Variants in CAMKMT observed in about 807,000 individuals in gnomAD.
CAMKMT encodes CaM KMT.
CAMKMT carries 53 observed loss-of-function variants against 48.0 expected under a neutral mutation model. The ratio of observed to expected loss-of-function variants is 1.10; its 90% CI spans 0.89 to 1.39. CAMKMT has a LOEUF of 1.39. Among genes scored for constraint, CAMKMT ranks in the 40% most tolerant of loss-of-function variants. The pLI is 0.00. For missense variants in CAMKMT, 428 were observed against 402.7 expected (o/e 1.06, Z -0.54); for synonymous variants, 165 against 152.3 (o/e 1.08, Z -0.61).
At chr2:44,620,956 A>T (rs1193675371) in intron 3 of CAMKMT, among the ~76,000 whole-genome samples, 1 of 152,218 alleles carries the variant, frequency 6.6e-6, no homozygotes, top group Non-Finnish European at 1.5e-5. Context: ...GTGACAATAC[A>T]TGTAAAATTC....
intron 3 of CAMKMT, among the ~76,000 whole-genome samples, chr2:44,572,326 C>T (rs1402360206): frequency 1.3e-5 from 2 of 152,270 alleles, no homozygotes; most frequent in East Asian, 1.9e-4. Flanking sequence ...GGATTACAGG[C>T]GTGAGCTGCC....
rs115724440 is a variant in CAMKMT, at chr2:44,732,645, A to G, written c.624-10977A>G. 4.2e-3 allele frequency among the ~76,000 whole-genome samples: 645 copies of G among 152,326 alleles called. 4 individuals are homozygous for G. Among genetic ancestry groups the G allele is most frequent in the African/African-American group, 0.015 (614 of 41,574 alleles). On this transcript the variant is annotated intron_variant, in intron 7 of 10. Coordinates refer to ENST00000378494, the MANE Select transcript of CAMKMT (RefSeq NM_024766.5). ...TCACCATGCCCAGCTTGGAGTTCTA[A>G]TTTGAATTTCCCTAGGGACTAATGA...
rs533299584 is a variant in CAMKMT, at chr2:44,652,980, A to T, written c.377-51303A>T. On this transcript the variant is annotated intron_variant, in intron 3 of 10. Coordinates refer to ENST00000378494, the MANE Select transcript of CAMKMT (RefSeq NM_024766.5). ...CTTATTCACATGGAAAATAGTCAAA[A>T]TACCTCAGTCCATTTCTGCCAAACC... Among the ~76,000 whole-genome samples, 6 of 152,174 alleles carry T rather than the reference A, an allele frequency of 3.9e-5. No individual in the cohort carries two copies. The South Asian group carries it at 1.2e-3, about 32-fold the overall frequency.
At chr2:44,688,758 G>A (rs967366689) in intron 3 of CAMKMT, among the ~76,000 whole-genome samples, 8 of 152,132 alleles carry the variant, frequency 5.3e-5, no homozygotes, top group Middle Eastern at 3.2e-3. Flanking sequence ...ACCTAAGAGA[G>A]GAAACTTGGA....
At chr2:44,599,846 A>G (rs12619949) in intron 3 of CAMKMT, among the ~76,000 whole-genome samples, 60,598 of 150,822 alleles carry the variant, frequency 0.4, 14,273 homozygotes, top group Middle Eastern at 0.54. Context: ...AAAAAAGTGT[A>G]TGTTTCTCTT....
rs900888270 is a variant in CAMKMT at position 44,362,160 on chromosome 2, G to C, written c.138+15G>C. ...TCCTGCGGCAGGTAAGGGAGAACCT[G>C]CTCGCCTCACCTTTGCCTCTGGTCA... On this transcript the variant is annotated intron_variant, in intron 1 of 10. Transcript: ENST00000378494. The C allele has an allele frequency of 2.7e-6, 4 of 1,459,152 alleles. 1 individual carries two copies. The highest frequency in any genetic ancestry group is 2.8e-5 in the South Asian group (2 of 72,520). 90.4% of individuals were successfully genotyped at this position (1,459,152 alleles called of 1,614,324 possible).
intron 3 of CAMKMT, among the ~76,000 whole-genome samples, chr2:44,563,957 G>A (rs7608087): frequency 0.53 from 80,724 of 151,436 alleles, 23,220 homozygotes; most frequent in Middle Eastern, 0.66. Context: ...TGTCTTTATA[G>A]CCGCATGATT....
At chr2:44,485,258 G>A (rs537033463) in intron 3 of CAMKMT, among the ~76,000 whole-genome samples, 18 of 152,282 alleles carry the variant, frequency 1.2e-4, no homozygotes, top group Non-Finnish European at 1.9e-4. Flanking sequence ...AATGTTCATA[G>A]TATTTTTTAA....
intron 2 of CAMKMT, among the ~76,000 whole-genome samples, chr2:44,384,678 C>A (rs1483223468): frequency 6.6e-6 from 1 of 151,902 alleles, no homozygotes; most frequent in East Asian, 1.9e-4. Flanking sequence ...ATATGAGTAT[C>A]CAGTTTCATT....
chr2:44,629,729 C>G (rs1258984114), intron 3 of CAMKMT, among the ~76,000 whole-genome samples: 1 of 152,120 alleles, frequency 6.6e-6, no homozygotes, highest in Non-Finnish European at 1.5e-5. Flanking sequence ...CAAACCACTG[C>G]TCAATGAAAT....
chr2:44,456,969 A>C (rs1293145609), intron 3 of CAMKMT: 1 of 179,528 alleles, frequency 5.6e-6, no homozygotes. Flanking sequence ...TTATTGCATT[A>C]GGTGTAGCTG....
At chr2:44,473,813 T>G (rs972746772) in intron 3 of CAMKMT, among the ~76,000 whole-genome samples, 6 of 152,208 alleles carry the variant, frequency 3.9e-5, no homozygotes, top group African/African-American at 1.4e-4. Flanking sequence ...TTGTGGACTT[T>G]CTAGAATCAT....
At chr2:44,463,251 C>A (rs1667938914) in intron 3 of CAMKMT, among the ~76,000 whole-genome samples, 1 of 152,128 alleles carries the variant, frequency 6.6e-6, no homozygotes, top group South Asian at 2.1e-4. Context: ...CCTTGTTTTC[C>A]CACAAAGACA....
At chr2:44,515,346 G>C (rs1007509820) in intron 3 of CAMKMT, among the ~76,000 whole-genome samples, 1 of 152,092 alleles carries the variant, frequency 6.6e-6, no homozygotes. Context: ...TGGGTATAAA[G>C]GGACTTGTAA....
At chr2:44,614,222 A>G (rs1040465206) in intron 3 of CAMKMT, among the ~76,000 whole-genome samples, 5 of 152,254 alleles carry the variant, frequency 3.3e-5, no homozygotes, top group African/African-American at 1.2e-4. Context: ...AGCATGAACC[A>G]GTAAGTGTTT....
At chr2:44,384,385 C>G (rs978097369) in intron 2 of CAMKMT, among the ~76,000 whole-genome samples, 2 of 151,586 alleles carry the variant, frequency 1.3e-5, no homozygotes, top group African/African-American at 4.9e-5. Context: ...AGGCCTTTGT[C>G]AGATGTTTAG....
intron 3 of CAMKMT, among the ~76,000 whole-genome samples, chr2:44,558,479 A>T (rs1668142921): frequency 6.6e-6 from 1 of 152,236 alleles, no homozygotes. Context: ...CTCAAAAGAT[A>T]GTTCCTAAGG....
chr2:44,549,892 T>C (rs1198490475), intron 3 of CAMKMT: 5 of 323,440 alleles, frequency 1.5e-5, no homozygotes, highest in Non-Finnish European at 2.8e-5. Flanking sequence ...AAGAGTGTCT[T>C]TATCCATCCT....
At chr2:44,487,270 T>C (rs184840970) in intron 3 of CAMKMT, among the ~76,000 whole-genome samples, 5 of 152,284 alleles carry the variant, frequency 3.3e-5, no homozygotes, top group Admixed American at 3.3e-4. Context: ...TTTTTTCTGA[T>C]AACATAGAGC....
Sources: allele counts gnomAD v4.1 joint callset (sites outside exome capture counted in the v4.1 genomes callset), GRCh38; gene constraint gnomAD v4.1.1; transcripts MANE v1.5; gene names NCBI Gene and HGNC (gene_info 2026-07-23, HGNC 2026-07-21).